RABGAP1L: variants seen among roughly 807,000 people sequenced by gnomAD.
The protein encoded by RABGAP1L is RAB GTPase activating protein 1 like.
In RABGAP1L, 63 loss-of-function variants were observed where a neutral mutation model predicts 137.7. The observed-to-expected ratio is 0.46, with a 90% CI of 0.37 to 0.56. The LOEUF (loss-of-function observed/expected upper bound fraction) is 0.56, where lower values mean the gene tolerates loss of function less well. Among genes scored for constraint, RABGAP1L ranks in the 20% least tolerant of loss-of-function variants. The pLI, the probability that RABGAP1L is intolerant of heterozygous loss-of-function variation, is 0.00. For missense variants in RABGAP1L, 1,095 were observed against 1,244.0 expected, an observed-to-expected ratio of 0.88 and a Z score of 1.80; for synonymous variants, 431 against 433.7, an observed-to-expected ratio of 0.99 and a Z score of 0.08.
chr1:174,751,547 A>G (rs542433240), intron 17 of RABGAP1L, among the ~76,000 whole-genome samples: 2 of 152,298 alleles, frequency 1.3e-5, no homozygotes, highest in African/African-American at 4.8e-5. Context: ...TGTAGCAAAC[A>G]TTTCTGATTG....
intron 21 of RABGAP1L, among the ~76,000 whole-genome samples, chr1:174,974,933 C>A (rs1398793762): frequency 6.6e-6 from 1 of 152,246 alleles, no homozygotes; most frequent in Non-Finnish European, 1.5e-5. Flanking sequence ...GGCCACCTGG[C>A]CAGTTTTCAC....
chr1:174,323,489 A>G (rs1027870709), intron 11 of RABGAP1L, among the ~76,000 whole-genome samples: 1 of 152,126 alleles, frequency 6.6e-6, no homozygotes, highest in African/African-American at 2.4e-5. Flanking sequence ...GAGACATTCT[A>G]GATCTTATAT....
At chr1:174,215,393 G>A (rs1303244146) in intron 1 of RABGAP1L, among the ~76,000 whole-genome samples, 1 of 151,254 alleles carries the variant, frequency 6.6e-6, no homozygotes, top group African/African-American at 2.4e-5. Flanking sequence ...GGAGGTGGAG[G>A]TTGCAGTGAG....
chr1:174,877,690 C>A, intron 19 of RABGAP1L: 1 of 1,377,360 alleles, frequency 7.3e-7, no homozygotes, highest in Admixed American at 1.9e-5. Flanking sequence ...TGAGGCATAA[C>A]TTGCTGTTGG....
chr1:174,268,806 A>G (rs1674300722), intron 7 of RABGAP1L, among the ~76,000 whole-genome samples: 1 of 152,148 alleles, frequency 6.6e-6, no homozygotes. Context: ...TTTTGAGTAA[A>G]CACTAAGTAT....
At chr1:174,417,661 G>T (rs1443986291) in intron 13 of RABGAP1L, among the ~76,000 whole-genome samples, 2 of 152,118 alleles carry the variant, frequency 1.3e-5, no homozygotes, top group Non-Finnish European at 2.9e-5. Flanking sequence ...TGTATTAATT[G>T]CTATAACTTA....
chr1:174,413,157 A>T (rs1052824895), intron 13 of RABGAP1L, among the ~76,000 whole-genome samples: 4 of 152,114 alleles, frequency 2.6e-5, no homozygotes, highest in African/African-American at 9.7e-5. Context: ...GTTCATTTTT[A>T]AAAATTCTTT....
chr1:174,364,707 T>G (rs960543036), intron 11 of RABGAP1L, among the ~76,000 whole-genome samples: 7 of 152,220 alleles, frequency 4.6e-5, no homozygotes, highest in Admixed American at 4.6e-4. Flanking sequence ...GTCTCTTTTT[T>G]ATCTCCAATT....
intron 1 of RABGAP1L, among the ~76,000 whole-genome samples, chr1:174,176,741 A>AAAAAAAAAAAAAAAAAATAAAAT (rs755688394): frequency 1.9e-4 from 21 of 111,772 alleles, no homozygotes; most frequent in Non-Finnish European, 3.1e-4. Flanking sequence ...AAAAAAAAAA[A>AAAAAAAAAAAAAAAAAATAAAAT]AAAAAGGTCA....
At chr1:174,393,587 A>G (rs1647433139) in intron 12 of RABGAP1L, among the ~76,000 whole-genome samples, 1 of 152,248 alleles carries the variant, frequency 6.6e-6, no homozygotes, top group Non-Finnish European at 1.5e-5. Context: ...TTTCAACATC[A>G]TTTCCTGAAC....
intron 12 of RABGAP1L, among the ~76,000 whole-genome samples, chr1:174,373,053 AACTT>A (rs1685233288): frequency 6.6e-6 from 1 of 152,214 alleles, no homozygotes; most frequent in South Asian, 2.1e-4. Flanking sequence ...TCCAGAATCT[AACTT>A]ACTCATTTGC....
rs1044834274 is a variant in RABGAP1L, at chr1:174,528,292, G to T, written c.1711-109083G>T. Among the ~76,000 whole-genome samples the T allele has an allele frequency of 4.6e-5, 7 of 151,802 alleles. No homozygotes were observed. The South Asian group carries it at 1.5e-3, about 32-fold the overall frequency. ...AGTTGTACCTTTCTCCTCCTCATTTGTGCTTAAGTTTTAAACATTTGCGTA... is the reference window on the plus strand; with the variant it reads ...AGTTGTACCTTTCTCCTCCTCATTTTTGCTTAAGTTTTAAACATTTGCGTA... On this transcript the variant is annotated intron_variant, in intron 13 of 25. Transcript: ENST00000681986.
chr1:174,388,791 A>G (rs921950100), intron 12 of RABGAP1L, among the ~76,000 whole-genome samples: 2 of 152,132 alleles, frequency 1.3e-5, no homozygotes, highest in Admixed American at 1.3e-4. Flanking sequence ...CTAACCAAAA[A>G]GACTAAGTGA....
intron 18 of RABGAP1L, among the ~76,000 whole-genome samples, chr1:174,801,185 T>C (rs1049665531): frequency 1.1e-4 from 17 of 152,234 alleles, no homozygotes; most frequent in Non-Finnish European, 2.2e-4. Flanking sequence ...GTTGCAGGCT[T>C]GAGAACTATA....
chr1:174,786,140 A>G (rs182651362), intron 18 of RABGAP1L, among the ~76,000 whole-genome samples: 14 of 152,196 alleles, frequency 9.2e-5, no homozygotes, highest in Non-Finnish European at 1.8e-4. Flanking sequence ...TACCAAAGTG[A>G]TTTCTGTGTC....
rs141752664 is a variant in RABGAP1L at position 174,290,153 on chromosome 1, G to C, written c.1323+11374G>C. On this transcript the variant is annotated intron_variant, in intron 10 of 25. Coordinates refer to ENST00000681986, the MANE Select transcript of RABGAP1L (RefSeq NM_001366446.1). ...CAACCATACTCCCTGGCCAGACTGG[G>C]TGCCAGGATTGCTTTGCAGGTGGGA... is the stretch of plus-strand genomic sequence containing the variant. Among the ~76,000 whole-genome samples the C allele has an allele frequency of 6.8e-4, 104 of 152,290 alleles. 1 individual carries two copies. The highest frequency in any genetic ancestry group is 2.3e-3 in the African/African-American group (95 of 41,568).
chr1:174,791,288 C>A (rs1206539380), intron 18 of RABGAP1L, among the ~76,000 whole-genome samples: 1 of 151,972 alleles, frequency 6.6e-6, no homozygotes, highest in Non-Finnish European at 1.5e-5. Flanking sequence ...GCCCATATAA[C>A]TCCTCCATTG....
At position 174,448,668 on chromosome 1, in the gene RABGAP1L, A is replaced by G; in HGVS notation, c.1710+54523A>G. 1 of 1,613,846 alleles carries G rather than the reference A, an allele frequency of 6.2e-7. No individual in the cohort carries two copies. ...TTTGGCTGGGGGAAACCTGGTTACCATGGTGACATTTTTGAATGGTGTGCC... is the reference window on the plus strand; with the variant it reads ...TTTGGCTGGGGGAAACCTGGTTACCGTGGTGACATTTTTGAATGGTGTGCC... On this transcript the variant is annotated intron_variant, in intron 13 of 25. Transcript: ENST00000681986. This position sits in a 1 kb window ranked among gnomAD's most constrained non-coding sequence, Gnocchi z 4.2.
At chr1:174,958,203 G>A (rs1668780968) in intron 20 of RABGAP1L, 2 of 1,349,432 alleles carry the variant, frequency 1.5e-6, no homozygotes, top group African/African-American at 1.5e-5. Flanking sequence ...GGTGTTTGTT[G>A]CAACATTTAT....
Sources: allele counts gnomAD v4.1 joint callset (sites outside exome capture counted in the v4.1 genomes callset), GRCh38; gene constraint gnomAD v4.1.1; non-coding constraint Gnocchi (gnomAD v3.1); transcripts MANE v1.5; gene names NCBI Gene and HGNC (gene_info 2026-07-23, HGNC 2026-07-21).